SLA: variants seen among roughly 807,000 people sequenced by gnomAD.
SLA encodes Src like adaptor.
In SLA, 16 loss-of-function variants were observed where a neutral mutation model predicts 30.3. That is an observed-to-expected ratio of 0.53 (90% CI 0.36 to 0.80). SLA has a LOEUF of 0.80. Among genes scored for constraint, SLA ranks in the 30% least tolerant of loss-of-function variants. SLA has a pLI of 0.01. For synonymous variants in SLA, 143 were observed against 137.8 expected (o/e 1.04, Z -0.26); for missense variants, 310 against 345.2 (o/e 0.90, Z 0.81).
At chr8:133,050,476 C>G (rs1379911717) in intron 4 of SLA, 1 of 257,296 alleles carries the variant, frequency 3.9e-6, no homozygotes, top group Non-Finnish European at 7.5e-6. Context: ...ATTTCCAGAC[C>G]CTGGGGGCTG....
In SLA at chr8:133,077,866, C is replaced by T. The variant is rs1181800518; in HGVS notation, c.-318-2736G>A. ...CTGACCCCCTAGACAGCAGGAGCCC[C>T]CCGCACCCCTCCAAGTCATGACAAC... On this transcript the variant is annotated intron_variant, in intron 1 of 8. Coordinates refer to ENST00000338087, the MANE Select transcript of SLA (RefSeq NM_001045556.3). 2.0e-5 allele frequency among the ~76,000 whole-genome samples: 3 copies of T among 151,878 alleles called. 1 individual carries two copies. The highest frequency in any genetic ancestry group is 1.3e-4 in the Admixed American group (2 of 15,246).
intron 1 of SLA, among the ~76,000 whole-genome samples, chr8:133,092,680 G>T (rs974216939): frequency 6.6e-6 from 1 of 152,148 alleles, no homozygotes; most frequent in African/African-American, 2.4e-5. Context: ...TGACACAGCT[G>T]GGGTTCAAAC....
chr8:133,046,537 C>T (rs958766853), intron 6 of SLA: 2 of 152,234 alleles, frequency 1.3e-5, no homozygotes, highest in Non-Finnish European at 2.9e-5. Context: ...ACTGTCAGAG[C>T]TTTGCATACC....
intron 1 of SLA, among the ~76,000 whole-genome samples, chr8:133,078,125 G>T (rs11996654): frequency 6.6e-6 from 1 of 152,244 alleles, no homozygotes; most frequent in South Asian, 2.1e-4. Context: ...GTGTAGCAAG[G>T]CTCCTTTGGG....
In SLA at chr8:133,101,204, G is replaced by A. The variant is rs942181473; in HGVS notation, c.-319+1349C>T. Among the ~76,000 whole-genome samples, 27 of 152,238 alleles carry A rather than the reference G, an allele frequency of 1.8e-4. 1 individual carries two copies. Among genetic ancestry groups the A allele is most frequent in the South Asian group, 1.2e-3 (6 of 4,824 alleles). Reference sequence around the variant, plus strand: ...AAGCATCACCTAGAGAGATCCTCAGGATTCTACCCCACACAGAACTGCAAG... The same window carrying A: ...AAGCATCACCTAGAGAGATCCTCAGAATTCTACCCCACACAGAACTGCAAG... On this transcript the variant is annotated intron_variant, in intron 1 of 8. Transcript: ENST00000338087.
At chr8:133,058,228 C>T (rs772667277) in intron 3 of SLA, among the ~76,000 whole-genome samples, 7 of 152,074 alleles carry the variant, frequency 4.6e-5, no homozygotes, top group South Asian at 2.1e-4. Flanking sequence ...GACCAATGAT[C>T]GGGGGAACGT....
Position 133,071,188 on chromosome 8 carries a change from C to G in SLA, c.-41+3665G>C, listed in dbSNP as rs2981294. ...AGTGCGTATTGAGGAATTGTGTGTC[C>G]TAGGTGTGTTACATGTACTCTCCAC... is the stretch of plus-strand genomic sequence containing the variant. On this transcript the variant is annotated intron_variant, in intron 2 of 8. Transcript: ENST00000338087. Among the ~76,000 whole-genome samples, 197 of 152,300 alleles carry G rather than the reference C, an allele frequency of 1.3e-3. 2 individuals carry two copies. In the South Asian group the frequency reaches 0.04, roughly 31 times the overall value.
chr8:133,043,713 G>C (rs765994665), intron 7 of SLA, among the ~76,000 whole-genome samples: 1 of 152,092 alleles, frequency 6.6e-6, no homozygotes, highest in Non-Finnish European at 1.5e-5. Context: ...ACTGCTTCTC[G>C]TGGGCCAGCT....
At chr8:133,076,012 A>T (rs1844802424) in intron 1 of SLA, 1 of 152,194 alleles carries the variant, frequency 6.6e-6, no homozygotes, top group African/African-American at 2.4e-5. Flanking sequence ...TACTTACAGT[A>T]CGTGAGTCTC....
chr8:133,074,005 G>T (rs149287020), intron 2 of SLA, among the ~76,000 whole-genome samples: 2 of 152,182 alleles, frequency 1.3e-5, no homozygotes, highest in African/African-American at 4.8e-5. Context: ...CCCATGCACA[G>T]CCCCAAATGA....
chr8:133,080,963 G>T lies in SLA; in HGVS notation c.-318-5833C>A, dbSNP rs572693926. 9.2e-5 allele frequency among the ~76,000 whole-genome samples: 14 copies of T among 152,356 alleles called. No individual in the cohort carries two copies. In the South Asian group the frequency reaches 2.7e-3, roughly 29 times the overall value. On this transcript the variant is annotated intron_variant, in intron 1 of 8. Coordinates refer to ENST00000338087, the MANE Select transcript of SLA (RefSeq NM_001045556.3). ...ACTTGGTGTTTTATTTGCATCCTAG[G>T]AATGGGACACATTGCGTATTGGAGT...
At chr8:133,079,091 C>T (rs1401724416) in intron 1 of SLA, among the ~76,000 whole-genome samples, 2 of 152,122 alleles carry the variant, frequency 1.3e-5, no homozygotes, top group Admixed American at 1.3e-4. Flanking sequence ...TGAGTCAGCA[C>T]AAGAAGCAAA....
chr8:133,052,306 T>C (rs1206122187), intron 3 of SLA, among the ~76,000 whole-genome samples: 2 of 152,210 alleles, frequency 1.3e-5, no homozygotes, highest in African/African-American at 4.8e-5. Context: ...GGTGGAACAG[T>C]GCAGTCAAAT....
intron 1 of SLA, among the ~76,000 whole-genome samples, chr8:133,084,296 CA>C (rs1353684535): frequency 6.6e-6 from 1 of 151,950 alleles, no homozygotes; most frequent in African/African-American, 2.4e-5. Context: ...AACAAAGCTG[CA>C]GAAAAAAATG....
chr8:133,084,335 A>T (rs1163706656), intron 1 of SLA, among the ~76,000 whole-genome samples: 1 of 152,214 alleles, frequency 6.6e-6, no homozygotes, highest in Non-Finnish European at 1.5e-5. Flanking sequence ...AGGGTCTTTT[A>T]CAAGTTATAA....
At chr8:133,063,487 A>G (rs1175890807) in intron 2 of SLA, 1 of 150,864 alleles carries the variant, frequency 6.6e-6, no homozygotes, top group Non-Finnish European at 1.5e-5. Flanking sequence ...TTTTGGAGGG[A>G]TTCCTGGAAT....
At chr8:133,096,147 A>T in intron 1 of SLA, 2 of 1,596,556 alleles carry the variant, frequency 1.3e-6, no homozygotes, top group Non-Finnish European at 1.7e-6. Context: ...AGACCTCTTT[A>T]TGCAAAGCAG....
At chr8:133,067,458 C>A (rs1368121409) in intron 2 of SLA, among the ~76,000 whole-genome samples, 1 of 152,130 alleles carries the variant, frequency 6.6e-6, no homozygotes, top group African/African-American at 2.4e-5. Flanking sequence ...AAGCCAGAGG[C>A]CCTCAGAAAC....
intron 5 of SLA, among the ~76,000 whole-genome samples, chr8:133,048,387 CT>C (rs1360897452): frequency 3.3e-5 from 5 of 152,034 alleles, no homozygotes; most frequent in Non-Finnish European, 7.4e-5. Context: ...CGTCTGGCAA[CT>C]TTTTGTGTTT....
Sources: gnomAD v4.1 joint callset for allele counts (sites outside exome capture counted in the v4.1 genomes callset) on GRCh38, gnomAD v4.1.1 for gene constraint, MANE v1.5 for transcripts, NCBI Gene and HGNC (gene_info 2026-07-23, HGNC 2026-07-21) for gene names.